MSRB3: variants seen among roughly 807,000 people sequenced by gnomAD.
MSRB3 encodes the protein methionine sulfoxide reductase B3.
MSRB3 carries 13 observed loss-of-function variants against 21.0 expected under a neutral mutation model. The ratio of observed to expected loss-of-function variants is 0.62; its 90% CI spans 0.40 to 0.98. The LOEUF (loss-of-function observed/expected upper bound fraction) is 0.98, where lower values mean the gene tolerates loss of function less well. MSRB3 is among the 50% of genes least tolerant of loss of function. The pLI, the probability that MSRB3 is intolerant of heterozygous loss-of-function variation, is 0.00. For synonymous variants in MSRB3, 87 were observed against 88.6 expected (o/e 0.98, Z 0.10); for missense variants, 199 against 230.3 (o/e 0.86, Z 0.88).
At chr12:65,435,401 A>G (rs1362046615) in intron 5 of MSRB3, among the ~76,000 whole-genome samples, 1 of 151,822 alleles carries the variant, frequency 6.6e-6, no homozygotes, top group Non-Finnish European at 1.5e-5. Flanking sequence ...AGCCATTTCT[A>G]TAGGGATGTT....
chr12:65,327,102 A>T (rs562100887), intron 3 of MSRB3, among the ~76,000 whole-genome samples, 168 bp downstream of exon 3: 2 of 152,338 alleles, frequency 1.3e-5, no homozygotes, highest in South Asian at 4.1e-4. Context: ...GGTTAAGACT[A>T]AGTTTTATTT....
chr12:65,300,540 G>T (rs1565821305), intron 1 of MSRB3, among the ~76,000 whole-genome samples: 1 of 152,146 alleles, frequency 6.6e-6, no homozygotes, highest in Non-Finnish European at 1.5e-5. Context: ...TGAGGAGTTT[G>T]GAATGTAGTA....
intron 5 of MSRB3, among the ~76,000 whole-genome samples, chr12:65,388,313 C>T (rs1565868135): frequency 6.6e-6 from 1 of 152,014 alleles, no homozygotes; most frequent in Non-Finnish European, 1.5e-5. Context: ...CCTGCCCACA[C>T]TGCAGCTAAA....
At chr12:65,372,366 T>G (rs974832055) in intron 5 of MSRB3, among the ~76,000 whole-genome samples, 17 of 152,262 alleles carry the variant, frequency 1.1e-4, no homozygotes, top group African/African-American at 4.1e-4. Flanking sequence ...CTGTGGTCTC[T>G]GTGTACTGAG....
At chr12:65,368,608 C>T (rs188952700) in intron 4 of MSRB3, among the ~76,000 whole-genome samples, 3 of 152,184 alleles carry the variant, frequency 2.0e-5, no homozygotes, top group East Asian at 3.9e-4. Context: ...AAAGTTACTT[C>T]GTGTTGAATA....
chr12:65,414,348 C>CA (rs2136630727), intron 5 of MSRB3, among the ~76,000 whole-genome samples: 1 of 152,228 alleles, frequency 6.6e-6, no homozygotes, highest in East Asian at 1.9e-4. Flanking sequence ...TCCAGATAGA[C>CA]AGTCATGCAT....
Position 65,385,833 on chromosome 12 carries a change from A to C in MSRB3, c.292+16807A>C, listed in dbSNP as rs551206068. On this transcript the variant is annotated intron_variant, in intron 5 of 6. Transcript: ENST00000308259. Reference sequence around the variant, plus strand: ...TCTTTTTCTTTCCTTTAGTTGGATTAAAGTTTTGCCCTTTTAAGAAAACTT... The same window carrying C: ...TCTTTTTCTTTCCTTTAGTTGGATTCAAGTTTTGCCCTTTTAAGAAAACTT... 1.1e-4 allele frequency among the ~76,000 whole-genome samples: 16 copies of C among 152,068 alleles called. No individual in the cohort carries two copies. The South Asian group carries it at 3.3e-3, about 32-fold the overall frequency.
At chr12:65,370,959 C>T (rs990699819) in intron 5 of MSRB3, among the ~76,000 whole-genome samples, 6 of 152,090 alleles carry the variant, frequency 3.9e-5, no homozygotes, top group African/African-American at 1.4e-4. Context: ...TAGCTTATGA[C>T]TGAAAGAATC....
At chr12:65,321,272 T>G (rs1371229510) in intron 2 of MSRB3, among the ~76,000 whole-genome samples, 1 of 152,182 alleles carries the variant, frequency 6.6e-6, no homozygotes, top group Non-Finnish European at 1.5e-5. Context: ...GAAAGTATCC[T>G]AAGTACTTAG....
Position 65,278,840 on chromosome 12 carries a change from C to G in MSRB3, c.-77C>G, listed in dbSNP as rs200195941. ...CCCTCTGCCTCTGCCTCTGCCTGGC[C>G]GCGGCTCTGGGAAGTGCGCAGTCCG... On this transcript the variant is annotated 5_prime_UTR_variant, in exon 1 of 7. Transcript: ENST00000308259. 1.3e-6 allele frequency: 2 copies of G among 1,565,214 alleles called. No individual in the cohort carries two copies. The highest frequency in any genetic ancestry group is 4.7e-5 in the East Asian group (2 of 42,238).
At chr12:65,453,460 A>G (rs531714009) in intron 5 of MSRB3, among the ~76,000 whole-genome samples, 31 of 152,290 alleles carry the variant, frequency 2.0e-4, no homozygotes, top group African/African-American at 7.0e-4. Flanking sequence ...AGGATACTCT[A>G]GAAAACTATT....
intron 4 of MSRB3, among the ~76,000 whole-genome samples, chr12:65,348,320 G>A (rs1257811423): frequency 3.3e-5 from 5 of 152,190 alleles, no homozygotes; most frequent in Non-Finnish European, 7.3e-5. Flanking sequence ...TTGGGAGGGT[G>A]TATGTGTTGA....
intron 5 of MSRB3, among the ~76,000 whole-genome samples, chr12:65,375,616 T>C (rs1360471381): frequency 6.6e-6 from 1 of 151,828 alleles, no homozygotes; most frequent in East Asian, 1.9e-4. Flanking sequence ...TAAAAAACAT[T>C]TTTGTAGAGA....
At chr12:65,370,020 G>A (rs1055176559) in intron 5 of MSRB3, among the ~76,000 whole-genome samples, 1 of 151,990 alleles carries the variant, frequency 6.6e-6, no homozygotes, top group African/African-American at 2.4e-5. Context: ...GTATGGTTTT[G>A]TGAATTTGGT....
intron 5 of MSRB3, among the ~76,000 whole-genome samples, chr12:65,372,778 T>G (rs1878395679): frequency 6.6e-6 from 1 of 152,198 alleles, no homozygotes; most frequent in African/African-American, 2.4e-5. Flanking sequence ...CATGATAGGC[T>G]ATATAAACAG....
intron 5 of MSRB3, among the ~76,000 whole-genome samples, chr12:65,413,857 A>G (rs1443511984): frequency 1.3e-5 from 2 of 152,308 alleles, no homozygotes; most frequent in South Asian, 2.1e-4. Flanking sequence ...TCAATAGGTC[A>G]GAGTAGGTCT....
chr12:65,376,192 T>C (rs1409929056), intron 5 of MSRB3, among the ~76,000 whole-genome samples: 1 of 149,146 alleles, frequency 6.7e-6, no homozygotes, highest in Non-Finnish European at 1.5e-5. Context: ...CCGTCTCGGC[T>C]CACTGCAAGC....
At chr12:65,457,001 T>A (rs1046258898) in intron 6 of MSRB3, among the ~76,000 whole-genome samples, 32 of 152,278 alleles carry the variant, frequency 2.1e-4, no homozygotes, top group African/African-American at 7.0e-4. Flanking sequence ...TTTCTTTTTT[T>A]AAAATTTTCC....
chr12:65,282,693 T>C (rs1304591580), intron 1 of MSRB3, among the ~76,000 whole-genome samples: 7 of 148,460 alleles, frequency 4.7e-5, no homozygotes, highest in Non-Finnish European at 8.9e-5. Context: ...TTTTTTTTTT[T>C]CTCTTCATGG....
Sources: allele counts gnomAD v4.1 joint callset (sites outside exome capture counted in the v4.1 genomes callset), GRCh38; gene constraint gnomAD v4.1.1; transcripts MANE v1.5; gene names NCBI Gene and HGNC (gene_info 2026-07-23, HGNC 2026-07-21).